Variants in NEK1 observed in about 807,000 individuals in gnomAD.
NEK1 encodes the protein NIMA related kinase 1, also known as serine/threonine-protein kinase Nek1.
Under a neutral mutation model 182.1 loss-of-function variants are expected in NEK1, and 137 were observed. The ratio of observed to expected loss-of-function variants is 0.75; its 90% CI spans 0.65 to 0.87. The LOEUF is 0.87. Among genes scored for constraint, NEK1 ranks in the 40% least tolerant of loss-of-function variants. The pLI is 0.00. For missense variants in NEK1, 1,391 were observed against 1,494.4 expected (o/e 0.93, Z 1.14); for synonymous variants, 513 against 492.2 (o/e 1.04, Z -0.56).
intron 13 of NEK1, 35 bp from the exon 14 acceptor site, chr4:169,561,926 A>G: frequency 6.4e-7 from 1 of 1,553,962 alleles, no homozygotes; most frequent in Non-Finnish European, 8.7e-7. Flanking sequence ...AATCCATAAT[A>G]ATTCCTGTTT....
intron 30 of NEK1, 134 bp downstream of exon 30, chr4:169,426,009 CTAT>C: frequency 1.5e-6 from 1 of 647,178 alleles, no homozygotes. Flanking sequence ...TGTGCTATGC[CTAT>C]TATATTTTTT....
intron 28 of NEK1, among the ~76,000 whole-genome samples, chr4:169,434,202 G>GTTTTT (rs70964203): frequency 1.2e-5 from 1 of 81,902 alleles, no homozygotes; most frequent in African/African-American, 4.2e-5. Flanking sequence ...CACTCAAATA[G>GTTTTT]TTTTTTTTTT....
At chr4:169,571,279 G>A (rs1399485559) in intron 12 of NEK1, among the ~76,000 whole-genome samples, 2 of 152,018 alleles carry the variant, frequency 1.3e-5, no homozygotes, top group African/African-American at 4.8e-5. Flanking sequence ...CAGAACTTTG[G>A]GAGGCCAAGG....
intron 16 of NEK1, among the ~76,000 whole-genome samples, chr4:169,559,529 A>T (rs185518660): frequency 6.6e-6 from 1 of 152,328 alleles, no homozygotes; most frequent in Admixed American, 6.5e-5. Flanking sequence ...ACCTCAAGAG[A>T]CTGAAAAACA....
intron 26 of NEK1, among the ~76,000 whole-genome samples, chr4:169,468,993 T>C (rs1439746859): frequency 6.6e-6 from 1 of 152,102 alleles, no homozygotes; most frequent in Non-Finnish European, 1.5e-5. Flanking sequence ...ATTGTGTCTA[T>C]TTGATTCTTC....
At chr4:169,469,460 T>C (rs909687652) in intron 26 of NEK1, among the ~76,000 whole-genome samples, 13 of 152,238 alleles carry the variant, frequency 8.5e-5, no homozygotes, top group Non-Finnish European at 1.5e-4. Flanking sequence ...CAGTTCTAAT[T>C]TGATTGCACT....
At chr4:169,574,719 T>G (rs1765425730) in intron 12 of NEK1, among the ~76,000 whole-genome samples, 2 of 151,098 alleles carry the variant, frequency 1.3e-5, no homozygotes. Flanking sequence ...ATGAGGAGAA[T>G]GGCAGGATCA....
intron 23 of NEK1, among the ~76,000 whole-genome samples, chr4:169,499,652 T>A (rs1261441207): frequency 6.6e-6 from 1 of 151,942 alleles, no homozygotes; most frequent in African/African-American, 2.4e-5. Context: ...TCTGTTGGAG[T>A]TTGCTGGAGA....
At chr4:169,413,599 TTGTCTC>T (rs1324107627) in intron 31 of NEK1, among the ~76,000 whole-genome samples, 1 of 152,216 alleles carries the variant, frequency 6.6e-6, no homozygotes, top group Non-Finnish European at 1.5e-5. Flanking sequence ...TAATCAGTCT[TTGTCTC>T]TGTGTGAGAA....
intron 27 of NEK1, among the ~76,000 whole-genome samples, chr4:169,459,753 T>C (rs1393681747): frequency 6.6e-6 from 1 of 152,134 alleles, no homozygotes; most frequent in Non-Finnish European, 1.5e-5. Flanking sequence ...CTTAAGTGTA[T>C]ATTACTAAGT....
At chr4:169,496,941 C>T (rs1580218614) in intron 23 of NEK1, among the ~76,000 whole-genome samples, 1 of 152,294 alleles carries the variant, frequency 6.6e-6, no homozygotes, top group East Asian at 1.9e-4. Context: ...GGAGGATTCC[C>T]TCTTTTTCTA....
Position 169,436,172 on chromosome 4 carries a change from G to A in NEK1, c.2764+1911C>T, listed in dbSNP as rs150088947. Among the ~76,000 whole-genome samples, 1,054 of 152,312 alleles carry A rather than the reference G, an allele frequency of 6.9e-3. 10 individuals are homozygous for A. Among genetic ancestry groups the A allele is most frequent in the African/African-American group, 0.021 (873 of 41,572 alleles). On this transcript the variant is annotated intron_variant, in intron 28 of 35. Transcript: ENST00000507142. ...GCCAGCCTTGGCTTCCCAAAGTGCC[G>A]GGATTACAGGTGTGAGCCACTGAGC... is the stretch of plus-strand genomic sequence containing the variant.
At position 169,555,855 on chromosome 4, in the gene NEK1, T is replaced by C. The variant is rs765809471; in HGVS notation, c.1431-4A>G. ...ACGAACTCCAGGCAGAATTCCTCTG[T>C]AGATAAATATGCACAGTGACTTTCA... On this transcript the variant is annotated splice_region_variant and splice_polypyrimidine_tract_variant and intron_variant, in intron 17 of 35. Transcript: ENST00000507142. The C allele has an allele frequency of 1.4e-5, 23 of 1,613,824 alleles. No homozygotes were observed. Among genetic ancestry groups the C allele is most frequent in the Non-Finnish European group, 1.9e-5 (22 of 1,179,840 alleles).
At chr4:169,539,082 T>C (rs950616402) in intron 18 of NEK1, among the ~76,000 whole-genome samples, 2 of 152,164 alleles carry the variant, frequency 1.3e-5, no homozygotes, top group Non-Finnish European at 2.9e-5. Flanking sequence ...AGATAATCTC[T>C]ATAGCTGGTT....
chr4:169,400,386 T>C (rs1466597620), intron 34 of NEK1, 29 bp from the exon 35 acceptor site: 4 of 1,450,326 alleles, frequency 2.8e-6, no homozygotes, highest in Non-Finnish European at 1.8e-6. Context: ...TATAAATTAA[T>C]ATTTGAATAA....
At chr4:169,586,081 A>C (rs1180630153) in intron 9 of NEK1, among the ~76,000 whole-genome samples, 1 of 152,142 alleles carries the variant, frequency 6.6e-6, no homozygotes, top group Non-Finnish European at 1.5e-5. Context: ...GCAATATAAA[A>C]AATATCTTAA....
intron 18 of NEK1, among the ~76,000 whole-genome samples, chr4:169,549,571 C>T (rs965390399): frequency 3.3e-5 from 5 of 151,900 alleles, no homozygotes; most frequent in Non-Finnish European, 7.4e-5. Flanking sequence ...TACAGGCATG[C>T]GCCACCATGC....
intron 23 of NEK1, among the ~76,000 whole-genome samples, chr4:169,498,679 G>T (rs1426985709): frequency 1.3e-5 from 2 of 152,134 alleles, no homozygotes; most frequent in African/African-American, 2.4e-5. Flanking sequence ...AGTTTGGCTG[G>T]ATATGAAATT....
intron 27 of NEK1, among the ~76,000 whole-genome samples, chr4:169,446,825 C>A (rs755710937): frequency 6.6e-6 from 1 of 151,832 alleles, no homozygotes; most frequent in South Asian, 2.1e-4. Flanking sequence ...AAAGAATTAG[C>A]GAGCTTGAAG....
Sources: gnomAD v4.1 joint callset for allele counts (sites outside exome capture counted in the v4.1 genomes callset) on GRCh38, gnomAD v4.1.1 for gene constraint, MANE v1.5 for transcripts, NCBI Gene and HGNC (gene_info 2026-07-23, HGNC 2026-07-21) for gene names.